The following KCNB2 variants were observed in gnomAD, a reference collection of about 807,000 sequenced individuals.
KCNB2 encodes the protein potassium voltage-gated channel subfamily B member 2, also known as delayed rectifier potassium channel protein.
In KCNB2, 15 loss-of-function variants were observed where a neutral mutation model predicts 61.5. The ratio of observed to expected loss-of-function variants is 0.24; its 90% confidence interval spans 0.16 to 0.38. The LOEUF (loss-of-function observed/expected upper bound fraction) is 0.38. KCNB2 is among the 10% of genes least tolerant of loss of function. KCNB2 has a pLI of 1.00. For missense variants in KCNB2, 828 were observed against 1,125.2 expected (o/e 0.74, Z 3.78); for synonymous variants, 457 against 446.0 (o/e 1.02, Z -0.31).
At chr8:72,636,117 G>A (rs1805962142) in intron 2 of KCNB2, among the ~76,000 whole-genome samples, 1 of 152,144 alleles carries the variant, frequency 6.6e-6, no homozygotes, top group Admixed American at 6.6e-5. Flanking sequence ...TAACAGCAGG[G>A]AAATCAGAAG....
intron 2 of KCNB2, among the ~76,000 whole-genome samples, chr8:72,861,590 C>A (rs182109950): frequency 1.3e-5 from 2 of 152,130 alleles, no homozygotes; most frequent in Non-Finnish European, 2.9e-5. Context: ...GGAGGAGGCC[C>A]GAGCTGGTTT....
At chr8:72,843,186 G>A (rs942277201) in intron 2 of KCNB2, among the ~76,000 whole-genome samples, 45 of 151,914 alleles carry the variant, frequency 3.0e-4, no homozygotes, top group African/African-American at 9.9e-4. Flanking sequence ...CCTTAATTTC[G>A]TTATTTACCC....
intron 2 of KCNB2, among the ~76,000 whole-genome samples, chr8:72,702,892 C>T (rs1183469849): frequency 6.6e-6 from 1 of 152,144 alleles, no homozygotes; most frequent in Non-Finnish European, 1.5e-5. Context: ...GATCCACTCC[C>T]CGTGGCATGT....
At chr8:72,842,166 G>A (rs544954177) in intron 2 of KCNB2, among the ~76,000 whole-genome samples, 2 of 152,228 alleles carry the variant, frequency 1.3e-5, no homozygotes, top group Admixed American at 1.3e-4. Flanking sequence ...TTTGTCAAAG[G>A]CCTTTTCTGC....
At chr8:72,555,770 T>C (rs559757422) in intron 1 of KCNB2, among the ~76,000 whole-genome samples, 127 of 152,086 alleles carry the variant, frequency 8.4e-4, no homozygotes, top group Non-Finnish European at 1.5e-3. Flanking sequence ...TTTATTTTAT[T>C]ATACTTTAAG....
intron 2 of KCNB2, among the ~76,000 whole-genome samples, chr8:72,738,529 C>T (rs1263521024): frequency 6.6e-6 from 1 of 152,166 alleles, no homozygotes; most frequent in South Asian, 2.1e-4. Context: ...CCAGTGTTTG[C>T]GTCTATCCTT....
chr8:72,735,556 C>T (rs146911944), intron 2 of KCNB2, among the ~76,000 whole-genome samples: 311 of 152,218 alleles, frequency 2.0e-3, no homozygotes, highest in African/African-American at 7.2e-3. Flanking sequence ...CTAGTACAAT[C>T]GGCAAAAATT....
intron 2 of KCNB2, among the ~76,000 whole-genome samples, chr8:72,889,698 A>G (rs553060396): frequency 1.3e-5 from 2 of 152,282 alleles, no homozygotes; most frequent in East Asian, 1.9e-4. Context: ...AGAAAAAAAG[A>G]ACACATGCAC....
At chr8:72,618,999 G>A (rs946837201) in intron 2 of KCNB2, 1 of 326,328 alleles carries the variant, frequency 3.1e-6, no homozygotes, top group Non-Finnish European at 6.0e-6. Flanking sequence ...CACTGACTTT[G>A]TTTTTAGAAC....
chr8:72,568,124 G>T lies in KCNB2; in HGVS notation c.390G>T (p.Glu130Asp). ...AACTTGATTACTGGGGGATTGATGA[G>T]ATCTACTTGGAGTCCTGCTGCCAGG... ...GQELDYWGID[E>D]IYLESCCQAR... Residue 130 changes from glutamate to aspartate, a missense_variant, in exon 2 of 3, where the codon GAG becomes GAT. Coordinates refer to ENST00000523207, the MANE Select transcript of KCNB2 (RefSeq NM_004770.3). 1.2e-6 allele frequency: 2 copies of T among 1,614,078 alleles called. No homozygotes were observed. Among genetic ancestry groups the T allele is most frequent in the Non-Finnish European group, 1.7e-6 (2 of 1,180,030 alleles).
At chr8:72,646,097 T>G (rs1234263121) in intron 2 of KCNB2, among the ~76,000 whole-genome samples, 1 of 152,098 alleles carries the variant, frequency 6.6e-6, no homozygotes, top group Non-Finnish European at 1.5e-5. Context: ...CAACTGTGTT[T>G]TTACTATTGT....
At chr8:72,601,557 C>G (rs1040491052) in intron 2 of KCNB2, among the ~76,000 whole-genome samples, 2 of 152,114 alleles carry the variant, frequency 1.3e-5, no homozygotes, top group African/African-American at 4.8e-5. Context: ...GAATCTTTAA[C>G]CCCCTTTATG....
intron 2 of KCNB2, among the ~76,000 whole-genome samples, chr8:72,887,026 A>T (rs1043453358): frequency 3.9e-5 from 6 of 152,162 alleles, no homozygotes; most frequent in African/African-American, 1.4e-4. Flanking sequence ...AGGACAAAGG[A>T]TATATTCTGT....
At chr8:72,681,800 A>G (rs557512252) in intron 2 of KCNB2, among the ~76,000 whole-genome samples, 5 of 152,310 alleles carry the variant, frequency 3.3e-5, no homozygotes, top group Admixed American at 2.0e-4. Flanking sequence ...AACTGCTACA[A>G]TGTCACTAGG....
chr8:72,682,489 A>T (rs551154306), intron 2 of KCNB2, among the ~76,000 whole-genome samples: 35 of 152,172 alleles, frequency 2.3e-4, no homozygotes, highest in African/African-American at 8.2e-4. Flanking sequence ...GGAAGTAAAA[A>T]ATCCCATATT....
At chr8:72,580,172 A>G (rs1041976690) in intron 2 of KCNB2, among the ~76,000 whole-genome samples, 3 of 152,214 alleles carry the variant, frequency 2.0e-5, no homozygotes, top group African/African-American at 4.8e-5. Context: ...CACGGGCACT[A>G]TGGAAACCAA....
chr8:72,900,558 C>A (rs189199528), intron 2 of KCNB2, among the ~76,000 whole-genome samples: 195 of 152,182 alleles, frequency 1.3e-3, no homozygotes, highest in Non-Finnish European at 2.4e-3. Context: ...AATAAACAGG[C>A]AACATACAGA....
At chr8:72,745,370 A>G (rs1808043429) in intron 2 of KCNB2, among the ~76,000 whole-genome samples, 1 of 152,128 alleles carries the variant, frequency 6.6e-6, no homozygotes, top group African/African-American at 2.4e-5. Flanking sequence ...GACACCAGCC[A>G]CAAATTCAGA....
chr8:72,600,036 G>T lies in KCNB2; in HGVS notation c.579+31723G>T, dbSNP rs1469296990. On this transcript the variant is annotated intron_variant, in intron 2 of 2. Coordinates refer to ENST00000523207, the MANE Select transcript of KCNB2 (RefSeq NM_004770.3). ...CAACCATTGTGGAAGTCAGTGTGGT[G>T]ATTCCTCAAGGATCTAGAACTAGAA... is the stretch of plus-strand genomic sequence containing the variant. Among the ~76,000 whole-genome samples, 11 of 152,322 alleles carry T rather than the reference G, an allele frequency of 7.2e-5. No homozygotes were observed. In the East Asian group the frequency reaches 2.1e-3, roughly 29 times the overall value.
Sources: gnomAD v4.1 joint callset for allele counts (sites outside exome capture counted in the v4.1 genomes callset) on GRCh38, gnomAD v4.1.1 for gene constraint, MANE v1.5 for transcripts, NCBI Gene and HGNC (gene_info 2026-07-23, HGNC 2026-07-21) for gene names.